ELOVL6: variants seen among roughly 807,000 people sequenced by gnomAD.
The protein encoded by ELOVL6 is very long chain fatty acid elongase 6.
ELOVL6 carries 8 observed loss-of-function variants against 31.7 expected under a neutral mutation model. The observed-to-expected ratio is 0.25, with a 90% confidence interval of 0.15 to 0.45. The LOEUF is 0.45. ELOVL6 is among the 20% of genes least tolerant of loss of function. The probability of loss-of-function intolerance (pLI) is 1.00; values close to 1 mark genes in which losing one functional copy is unlikely to be tolerated. For synonymous variants in ELOVL6, 101 were observed against 117.7 expected (o/e 0.86, Z 0.92); for missense variants, 126 against 326.4 (o/e 0.39, Z 4.73).
At chr4:110,061,549 C>CTTGTTTTTTTTTTTT (rs1755138684) in intron 2 of ELOVL6, among the ~76,000 whole-genome samples, 1 of 72,366 alleles carries the variant, frequency 1.4e-5, no homozygotes, top group Non-Finnish European at 2.6e-5. Context: ...CAAATGATGG[C>CTTGTTTTTTTTTTTT]TTTTTTTTTT....
chr4:110,084,162 A>AACT (rs1560814305), intron 2 of ELOVL6, among the ~76,000 whole-genome samples: 1 of 71,582 alleles, frequency 1.4e-5, no homozygotes, highest in African/African-American at 8.7e-5. Flanking sequence ...TATAACATAT[A>AACT]TGTGATATAT....
chr4:110,054,512 A>G (rs1286144081), intron 3 of ELOVL6, among the ~76,000 whole-genome samples: 5 of 152,244 alleles, frequency 3.3e-5, no homozygotes, highest in Non-Finnish European at 7.3e-5. Context: ...AGTCATTCAT[A>G]ATTGAATAGA....
chr4:110,165,582 C>G (rs2126271086), intron 1 of ELOVL6, among the ~76,000 whole-genome samples: 1 of 152,312 alleles, frequency 6.6e-6, no homozygotes, highest in African/African-American at 2.4e-5. Context: ...CAGCTTTGTT[C>G]TCTGTAGCAC....
intron 1 of ELOVL6, among the ~76,000 whole-genome samples, chr4:110,144,249 C>A (rs1205309145): frequency 6.6e-6 from 1 of 152,060 alleles, no homozygotes; most frequent in East Asian, 1.9e-4. Context: ...TAGGCAGTTA[C>A]CTGCATTTGG....
chr4:110,190,840 G>C (rs1451470182), intron 1 of ELOVL6, among the ~76,000 whole-genome samples: 1 of 148,568 alleles, frequency 6.7e-6, no homozygotes, highest in African/African-American at 2.5e-5. Flanking sequence ...TTTTTTTTGA[G>C]ACACAGTTTT....
At chr4:110,123,861 C>T (rs115160008) in intron 1 of ELOVL6, among the ~76,000 whole-genome samples, 8,995 of 152,174 alleles carry the variant, frequency 0.059, 307 homozygotes, top group African/African-American at 0.075. Flanking sequence ...TCAGGTAAAT[C>T]CAGCTAAGTT....
In ELOVL6 at chr4:110,094,438, T is replaced by TATATAAAA. The variant is rs1553957094; in HGVS notation, c.221+11058_221+11059insTTTTATAT. ...ATATATATATATATATATATATATA[T>TATATAAAA]ATATAATATATATAACATAATATAT... On this transcript the variant is annotated intron_variant, in intron 2 of 3. Transcript: ENST00000302274. 1.3e-4 allele frequency among the ~76,000 whole-genome samples: 7 copies of TATATAAAA among 55,314 alleles called. 1 individual carries two copies. Among genetic ancestry groups the TATATAAAA allele is most frequent in the South Asian group, 7.2e-4 (1 of 1,382 alleles). 36.3% of individuals were successfully genotyped at this position (55,314 alleles called of 152,430 possible). A position where few individuals can be genotyped will look rare whatever the true frequency, so the allele number is the denominator to read the frequency against.
chr4:110,144,003 G>A (rs1000053861), intron 1 of ELOVL6, among the ~76,000 whole-genome samples: 16 of 143,924 alleles, frequency 1.1e-4, no homozygotes, highest in East Asian at 6.1e-4. Flanking sequence ...GTGGTGAGCC[G>A]AGATTGCGCC....
At chr4:110,141,519 G>A (rs1235897304) in intron 1 of ELOVL6, among the ~76,000 whole-genome samples, 1 of 151,952 alleles carries the variant, frequency 6.6e-6, no homozygotes, top group East Asian at 1.9e-4. Context: ...TAGGGACCAG[G>A]AGGGTGGAAG....
chr4:110,127,412 A>AAAAAAAAG (rs1757534942), intron 1 of ELOVL6, among the ~76,000 whole-genome samples: 1 of 150,542 alleles, frequency 6.6e-6, no homozygotes, highest in African/African-American at 2.4e-5. Flanking sequence ...GTCTCAAAAA[A>AAAAAAAAG]AAAAAAAAAA....
chr4:110,088,394 A>G (rs1756330271), intron 2 of ELOVL6, among the ~76,000 whole-genome samples: 1 of 152,076 alleles, frequency 6.6e-6, no homozygotes, highest in African/African-American at 2.4e-5. Flanking sequence ...CCTGAAACCC[A>G]CCAATTGGGA....
chr4:110,077,391 C>A (rs1321061346), intron 2 of ELOVL6, among the ~76,000 whole-genome samples: 3 of 152,286 alleles, frequency 2.0e-5, no homozygotes, highest in South Asian at 2.1e-4. Context: ...TGAGATAAAA[C>A]TTCCAGAGGA....
chr4:110,164,735 T>C (rs1288323089), intron 1 of ELOVL6, among the ~76,000 whole-genome samples: 6 of 125,614 alleles, frequency 4.8e-5, no homozygotes, highest in African/African-American at 2.1e-4. Flanking sequence ...TGGGACCCTG[T>C]CTCAAAAAAA....
At chr4:110,121,416 A>G (rs901339143) in intron 1 of ELOVL6, among the ~76,000 whole-genome samples, 5 of 152,220 alleles carry the variant, frequency 3.3e-5, no homozygotes, top group Non-Finnish European at 7.3e-5. Flanking sequence ...GTTTTTATCA[A>G]TAACTAAAAT....
chr4:110,197,018 C>A (rs1759823168), intron 1 of ELOVL6, among the ~76,000 whole-genome samples: 1 of 152,212 alleles, frequency 6.6e-6, no homozygotes, highest in Admixed American at 6.5e-5. Flanking sequence ...ACCAACCCGC[C>A]CAGGCCACAG....
rs368921771 is a variant in ELOVL6, at chr4:110,115,174, GAA to G, written c.90-9548_90-9547del. Among the ~76,000 whole-genome samples, 1,411 of 152,174 alleles carry G rather than the reference GAA, an allele frequency of 9.3e-3. 24 individuals carry two copies. Among genetic ancestry groups the G allele is most frequent in the African/African-American group, 0.032 (1,345 of 41,502 alleles). On this transcript the variant is annotated intron_variant, in intron 1 of 3. Transcript: ENST00000302274. ...ATTCCCTCAATATAAATTTTGAAAA[GAA>G]ACTGGGGAAGCAATGAGAAAATATA...
intron 1 of ELOVL6, among the ~76,000 whole-genome samples, chr4:110,190,247 T>C (rs934325818): frequency 6.6e-6 from 1 of 152,212 alleles, no homozygotes; most frequent in Non-Finnish European, 1.5e-5. Context: ...TTTTTTCTCC[T>C]GTACTTTTTT....
chr4:110,099,055 A>G (rs1224097159), intron 2 of ELOVL6, among the ~76,000 whole-genome samples: 1 of 152,136 alleles, frequency 6.6e-6, no homozygotes, highest in African/African-American at 2.4e-5. Context: ...TCATGTCCTC[A>G]TTCCTTCCAT....
chr4:110,163,247 T>C (rs1758679212), intron 1 of ELOVL6, among the ~76,000 whole-genome samples: 1 of 152,182 alleles, frequency 6.6e-6, no homozygotes, highest in Non-Finnish European at 1.5e-5. Context: ...GCTAACATGG[T>C]CTTCTCATTT....
Sources: allele counts gnomAD v4.1 joint callset (sites outside exome capture counted in the v4.1 genomes callset), GRCh38; gene constraint gnomAD v4.1.1; transcripts MANE v1.5; gene names NCBI Gene and HGNC (gene_info 2026-07-23, HGNC 2026-07-21).